The following LEKR1 variants were observed in gnomAD, a reference collection of about 807,000 sequenced individuals.
LEKR1 encodes the protein leucine, glutamate and lysine rich 1.
In LEKR1, 59 loss-of-function variants were observed where a neutral mutation model predicts 72.4. That is an observed-to-expected ratio of 0.82 (90% CI 0.66 to 1.01). The LOEUF (loss-of-function observed/expected upper bound fraction) is 1.01. Ranked by LOEUF, LEKR1 falls within the 50% of genes least tolerant of loss-of-function variation. The probability of loss-of-function intolerance (pLI) is 0.00; values close to 1 mark genes in which losing one functional copy is unlikely to be tolerated. For synonymous variants in LEKR1, 257 were observed against 263.2 expected (o/e 0.98, Z 0.23); for missense variants, 728 against 759.2 (o/e 0.96, Z 0.48).
chr3:156,971,278 G>T (rs1257753174), intron 6 of LEKR1, among the ~76,000 whole-genome samples: 1 of 151,848 alleles, frequency 6.6e-6, no homozygotes, highest in Non-Finnish European at 1.5e-5. Flanking sequence ...GGGAAAACTG[G>T]CTAGCCATAT....
chr3:157,006,516 C>T (rs1732451202), intron 9 of LEKR1, among the ~76,000 whole-genome samples: 1 of 152,134 alleles, frequency 6.6e-6, no homozygotes, highest in South Asian at 2.1e-4. Context: ...TTACCCAAGA[C>T]AAATGAAACC....
chr3:156,982,855 GTAGATAGA>G (rs57476413), intron 7 of LEKR1, among the ~76,000 whole-genome samples: 14,652 of 139,960 alleles, frequency 0.1, 861 homozygotes, highest in Non-Finnish European at 0.14. Flanking sequence ...GTGTGTGTGT[GTAGATAGA>G]TAGATAGATA....
At chr3:156,838,606 C>T (rs62273916) in intron 2 of LEKR1, among the ~76,000 whole-genome samples, 4,750 of 152,262 alleles carry the variant, frequency 0.031, 110 homozygotes, top group Non-Finnish European at 0.047. Flanking sequence ...TTAGAATACT[C>T]AGCAGACCAG....
At chr3:156,888,543 G>C (rs1310848696) in intron 3 of LEKR1, 1 of 574,646 alleles carries the variant, frequency 1.7e-6, no homozygotes, top group Non-Finnish European at 3.1e-6. Context: ...TAAAAAGACT[G>C]AAAGGGCCTG....
intron 3 of LEKR1, among the ~76,000 whole-genome samples, chr3:156,877,469 T>A (rs1371122091): frequency 6.6e-6 from 1 of 152,060 alleles, no homozygotes; most frequent in Non-Finnish European, 1.5e-5. Context: ...TGTTGGCAAC[T>A]TTTTTACTAC....
At chr3:156,901,750 G>A (rs1356581353) in intron 3 of LEKR1, among the ~76,000 whole-genome samples, 2 of 152,126 alleles carry the variant, frequency 1.3e-5, no homozygotes, top group Admixed American at 6.6e-5. Flanking sequence ...GCAGTGACGT[G>A]GTCTCAGCTC....
At chr3:156,846,295 A>T (rs1714587987) in intron 2 of LEKR1, among the ~76,000 whole-genome samples, 1 of 152,080 alleles carries the variant, frequency 6.6e-6, no homozygotes, top group Non-Finnish European at 1.5e-5. Flanking sequence ...TCTAATATGT[A>T]TGCCTTTTAT....
chr3:156,963,946 G>T (rs1728338846), intron 6 of LEKR1, among the ~76,000 whole-genome samples: 1 of 152,178 alleles, frequency 6.6e-6, no homozygotes, highest in African/African-American at 2.4e-5. Flanking sequence ...CTGGCTGATG[G>T]TAAACATAAG....
intron 2 of LEKR1, among the ~76,000 whole-genome samples, chr3:156,851,501 A>T (rs774185897): frequency 7.2e-5 from 11 of 152,224 alleles, no homozygotes; most frequent in Non-Finnish European, 1.5e-4. Flanking sequence ...AATTGAATCC[A>T]TCTAGAGCTT....
At chr3:156,908,238 G>T (rs564597437) in intron 3 of LEKR1, among the ~76,000 whole-genome samples, 1 of 152,056 alleles carries the variant, frequency 6.6e-6, no homozygotes, top group Non-Finnish European at 1.5e-5. Flanking sequence ...ATATCTTGTG[G>T]TAGATATTTT....
At chr3:157,033,420 T>C (rs1365173021) in intron 12 of LEKR1, among the ~76,000 whole-genome samples, 3 of 152,218 alleles carry the variant, frequency 2.0e-5, no homozygotes, top group South Asian at 2.1e-4. Context: ...GCCTTCTTGC[T>C]GATATGGAGA....
chr3:156,942,596 G>T lies in LEKR1; in HGVS notation c.627G>T (p.Met209Ile), dbSNP rs1458024872. The T allele has an allele frequency of 7.9e-7, 1 of 1,268,268 alleles. No individual in the cohort carries two copies. The highest frequency in any genetic ancestry group is 2.5e-5 in the Admixed American group (1 of 40,230). The allele number at this position is 1,268,268 out of a possible 1,614,324, so 78.6% of individuals were successfully genotyped here. A position where few individuals can be genotyped will look rare whatever the true frequency, so the allele number is the denominator to read the frequency against. The change falls in exon 6 of 13, where the codon ATG becomes ATT. Residue 209 changes from methionine (M) to isoleucine (I), a missense_variant. Met to Ile is a conservative substitution (Grantham distance 10). Coordinates refer to ENST00000356539, the MANE Select transcript of LEKR1 (RefSeq NM_001004316.3). The stretch of plus-strand genomic sequence containing the variant: ...ATAAAGTATGCCTTGAAAAGGAAAT[G>T]AAAAATCTGAAATTGTTGTCAGATG... ...QRNKVCLEKE[M>I]KNLKLLSDAA...
At chr3:156,859,764 G>A (rs1716542919) in intron 3 of LEKR1, among the ~76,000 whole-genome samples, 4 of 152,170 alleles carry the variant, frequency 2.6e-5, no homozygotes, top group Admixed American at 6.5e-5. Context: ...AAAATACTCT[G>A]TGTTCTACTT....
At chr3:156,842,190 T>C (rs1394750618) in intron 2 of LEKR1, among the ~76,000 whole-genome samples, 1 of 152,232 alleles carries the variant, frequency 6.6e-6, no homozygotes, top group Non-Finnish European at 1.5e-5. Flanking sequence ...ATATAGCTTA[T>C]AGTGGTAACA....
At chr3:156,894,913 C>T (rs1721019574) in intron 3 of LEKR1, among the ~76,000 whole-genome samples, 1 of 152,062 alleles carries the variant, frequency 6.6e-6, no homozygotes, top group East Asian at 1.9e-4. Context: ...TAAAGACTTA[C>T]ATGTAAAACC....
chr3:156,942,048 C>T (rs898248779), intron 5 of LEKR1, among the ~76,000 whole-genome samples: 3 of 151,932 alleles, frequency 2.0e-5, no homozygotes, highest in African/African-American at 7.2e-5. Context: ...TAGTTTTAGA[C>T]ACTACATCCT....
At chr3:157,016,252 A>ACAGGG (rs1381315631) in intron 10 of LEKR1, among the ~76,000 whole-genome samples, 3 of 152,184 alleles carry the variant, frequency 2.0e-5, no homozygotes, top group Non-Finnish European at 4.4e-5. Context: ...CCTCAGGCAC[A>ACAGGG]ACAAACCCAA....
At chr3:157,023,601 G>T (rs1411662926) in intron 10 of LEKR1, among the ~76,000 whole-genome samples, 1 of 152,120 alleles carries the variant, frequency 6.6e-6, no homozygotes, top group Non-Finnish European at 1.5e-5. Context: ...CAGAAGCTTT[G>T]CCTCCTTTAA....
intron 3 of LEKR1, among the ~76,000 whole-genome samples, chr3:156,871,453 G>A (rs894969915): frequency 3.9e-5 from 6 of 152,192 alleles, no homozygotes; most frequent in East Asian, 1.9e-4. Flanking sequence ...ATGATTTATA[G>A]TCCTTTGGGT....
Sources: allele counts gnomAD v4.1 joint callset (sites outside exome capture counted in the v4.1 genomes callset), GRCh38; gene constraint gnomAD v4.1.1; transcripts MANE v1.5; gene names NCBI Gene and HGNC (gene_info 2026-07-23, HGNC 2026-07-21).